STK10: variants seen among roughly 807,000 people sequenced by gnomAD.
STK10 encodes serine/threonine kinase 10.
Under a neutral mutation model 113.8 loss-of-function variants are expected in STK10, and 78 were observed. That is an observed-to-expected ratio of 0.69 (90% CI 0.57 to 0.83). STK10 has a LOEUF of 0.83. Among genes scored for constraint, STK10 ranks in the 40% least tolerant of loss-of-function variants. The probability of loss-of-function intolerance (pLI) is 0.00; values close to 1 mark genes in which losing one functional copy is unlikely to be tolerated. For synonymous variants in STK10, 465 were observed against 494.7 expected (o/e 0.94, Z 0.80); for missense variants, 1,109 against 1,280.1 (o/e 0.87, Z 2.04).
rs138240413 is a variant in STK10, at chr5:172,047,883, G to T, written c.2767-2861C>A. ...TCACTGTACAAATAACCACACTGAG[G>T]TCCCATGTTTTTTGGGTTTTTTTTT... On this transcript the variant is annotated intron_variant, in intron 18 of 18. Transcript: ENST00000176763. Among the ~76,000 whole-genome samples the T allele has an allele frequency of 3.5e-3, 525 of 149,994 alleles. 5 individuals carry two copies. The highest frequency in any genetic ancestry group is 0.021 in the Middle Eastern group (6 of 284).
At chr5:172,142,402 C>A (rs1769992439) in intron 2 of STK10, among the ~76,000 whole-genome samples, 1 of 152,132 alleles carries the variant, frequency 6.6e-6, no homozygotes. Context: ...GTAATGCGCA[C>A]AAAGAGAACC....
intron 1 of STK10, among the ~76,000 whole-genome samples, chr5:172,167,177 AAAAG>A (rs1770587619): frequency 6.6e-6 from 1 of 151,952 alleles, no homozygotes; most frequent in Non-Finnish European, 1.5e-5. Flanking sequence ...AAAAAGAAAA[AAAAG>A]AAAGGCAACA....
In STK10 at chr5:172,084,108, AAAT is replaced by A. The variant is rs564332382; in HGVS notation, c.1686-1027_1686-1025del. ...TTAATTACATAAGGAAACATATTAA[AAAT>A]AATAATTCAGCTGGGCACAGTGGCT... On this transcript the variant is annotated intron_variant, in intron 10 of 18. Coordinates refer to ENST00000176763, the MANE Select transcript of STK10 (RefSeq NM_005990.4). 8.0e-3 allele frequency among the ~76,000 whole-genome samples: 1,214 copies of A among 152,168 alleles called. 12 individuals are homozygous for A. The highest frequency in any genetic ancestry group is 0.035 in the South Asian group (170 of 4,816).
intron 1 of STK10, among the ~76,000 whole-genome samples, chr5:172,170,336 C>T (rs1206044888): frequency 6.6e-6 from 1 of 152,118 alleles, no homozygotes. Context: ...CTTTACCTTG[C>T]AGGAGCCAAA....
intron 3 of STK10, among the ~76,000 whole-genome samples, chr5:172,122,707 T>TCTA: frequency 6.6e-6 from 1 of 152,150 alleles, no homozygotes; most frequent in Non-Finnish European, 1.5e-5. Context: ...CACTGCAAGC[T>TCTA]CCGCCTCCCA....
chr5:172,149,000 C>G (rs1770149151), intron 2 of STK10, among the ~76,000 whole-genome samples: 1 of 152,108 alleles, frequency 6.6e-6, no homozygotes, highest in African/African-American at 2.4e-5. Flanking sequence ...AGCCCTGTCT[C>G]TACAAAAAAT....
Position 172,093,077 on chromosome 5 carries a change from T to A in STK10, c.1554+335A>T, listed in dbSNP as rs1237524789. Among the ~76,000 whole-genome samples the A allele has an allele frequency of 6.6e-6, 1 of 152,192 alleles. No homozygotes were observed. The highest frequency in any genetic ancestry group is 1.5e-5 in the Non-Finnish European group (1 of 68,028). On this transcript the variant is annotated intron_variant, in intron 9 of 18. Coordinates refer to ENST00000176763, the MANE Select transcript of STK10 (RefSeq NM_005990.4). The surrounding 1 kb of genome is among the most constrained non-coding windows in gnomAD (Gnocchi z 4.1). ...GGAAGATGGCTTTGAGCTGTTTCCT[T>A]TAGTTGGATTTACCAGTTATCAGCT...
At chr5:172,114,473 ATTTTTTTTTTTT>A (rs546584414) in intron 4 of STK10, 3 of 47,546 alleles carry the variant, frequency 6.3e-5, no homozygotes, top group African/African-American at 4.2e-4. Context: ...ATATATATAT[ATTTTTTTTTTTT>A]TTTTTTTTTT....
intron 1 of STK10, among the ~76,000 whole-genome samples, chr5:172,185,462 T>C (rs138169920): frequency 5.7e-4 from 87 of 151,928 alleles, no homozygotes; most frequent in Non-Finnish European, 1.0e-3. Flanking sequence ...AGAGACAGGG[T>C]TTCACCATGT....
intron 12 of STK10, among the ~76,000 whole-genome samples, chr5:172,079,234 ACATGG>A (rs1768377561): frequency 6.6e-6 from 1 of 152,154 alleles, no homozygotes; most frequent in Non-Finnish European, 1.5e-5. Context: ...AGCTCCTGCT[ACATGG>A]ATGGTTTTCC....
rs1408919260 is a variant in STK10, at chr5:172,182,341, C to CA, written c.156+5545dup. On this transcript the variant is annotated intron_variant, in intron 1 of 18. Coordinates refer to ENST00000176763, the MANE Select transcript of STK10 (RefSeq NM_005990.4). ...AAAAAAAAAAAAGGCTTAAAAACAA[C>CA]AAAAAATCAAAACCAAAGCAATTTT... is the stretch of plus-strand genomic sequence containing the variant. Among the ~76,000 whole-genome samples the CA allele has an allele frequency of 8.5e-5, 12 of 140,786 alleles. No homozygotes were observed. The South Asian group carries it at 9.5e-4, about 11-fold the overall frequency. The allele number at this position is 140,786 out of a possible 152,430, so 92.4% of individuals were successfully genotyped here.
chr5:172,106,673 G>A lies in STK10; in HGVS notation c.735C>T (p.Val245=), dbSNP rs146417178. Residue 245 remains valine, a synonymous_variant, in exon 6 of 19, where the codon GTC becomes GTT. Coordinates refer to ENST00000176763, the MANE Select transcript of STK10 (RefSeq NM_005990.4). The part of the protein sequence containing the change: ...PPHHELNPMR[V]LLKIAKSDPP... ...GGTCCGACTTGGCGATCTTTAGCAG[G>A]ACCCGCATGGGGTTGAGCTCGTGGT... The A allele has an allele frequency of 5.0e-6, 8 of 1,613,722 alleles. No individual in the cohort carries two copies. Among genetic ancestry groups the A allele is most frequent in the Admixed American group, 3.3e-5 (2 of 59,990 alleles).
intron 17 of STK10, among the ~76,000 whole-genome samples, chr5:172,054,005 T>C (rs1767690767): frequency 6.6e-6 from 1 of 152,238 alleles, no homozygotes; most frequent in African/African-American, 2.4e-5. Context: ...ACACCTGGAA[T>C]GTTTCCTCCA....
At position 172,138,936 on chromosome 5, in the gene STK10, C is replaced by A. The variant is rs1407691645; in HGVS notation, c.322-11515G>T. ...GGCTGAGGCAGGAGAATGGTGTGAA[C>A]CCAGGAGGCGGAGCTTGCAGTGAGC... On this transcript the variant is annotated intron_variant, in intron 2 of 18. Transcript: ENST00000176763. Among the ~76,000 whole-genome samples, 37 of 152,154 alleles carry A rather than the reference C, an allele frequency of 2.4e-4. 1 individual carries two copies. The highest frequency in any genetic ancestry group is 2.4e-3 in the Admixed American group (37 of 15,276).
chr5:172,093,526 A>G lies in STK10; in HGVS notation c.1440T>C (p.Pro480=), dbSNP rs1768769047. ...LEPPAQAAPG[P]SKRDSDCSSL... ...TGCTGCAGTCCGAGTCCCTCTTGGA[A>G]GGCCCTGGAGCTGCCTGGGCAGGTG... The change falls in exon 9 of 19, where the codon CCT becomes CCC. Residue 480 remains proline (P), a synonymous_variant. Coordinates refer to ENST00000176763, the MANE Select transcript of STK10 (RefSeq NM_005990.4). This position sits in a 1 kb window ranked among gnomAD's most constrained non-coding sequence, Gnocchi z 4.1. 4 of 1,614,200 alleles carry G rather than the reference A, an allele frequency of 2.5e-6. No homozygotes were observed. Among genetic ancestry groups the G allele is most frequent in the Non-Finnish European group, 3.4e-6 (4 of 1,180,030 alleles).
At chr5:172,156,306 C>T (rs1320465257) in intron 2 of STK10, among the ~76,000 whole-genome samples, 4 of 152,222 alleles carry the variant, frequency 2.6e-5, no homozygotes, top group African/African-American at 9.6e-5. Flanking sequence ...TTATTAGCCC[C>T]ACCTTACAGA....
At chr5:172,185,255 G>A (rs1019636513) in intron 1 of STK10, among the ~76,000 whole-genome samples, 1 of 151,830 alleles carries the variant, frequency 6.6e-6, no homozygotes, top group African/African-American at 2.4e-5. Flanking sequence ...AAAAAAAAAA[G>A]CCCATATGTT....
intron 1 of STK10, among the ~76,000 whole-genome samples, chr5:172,171,394 G>A (rs1177167562): frequency 1.3e-5 from 2 of 152,112 alleles, no homozygotes; most frequent in African/African-American, 4.8e-5. Flanking sequence ...CATTTAATGA[G>A]TTATACGTGA....
intron 1 of STK10, among the ~76,000 whole-genome samples, chr5:172,183,570 T>TC (rs141971076): frequency 0.094 from 14,292 of 151,732 alleles, 959 homozygotes; most frequent in African/African-American, 0.19. Context: ...TGCCTCGGCC[T>TC]CCTAGTAGCT....
Sources: allele counts gnomAD v4.1 joint callset (sites outside exome capture counted in the v4.1 genomes callset), GRCh38; gene constraint gnomAD v4.1.1; non-coding constraint Gnocchi (gnomAD v3.1); transcripts MANE v1.5; gene names NCBI Gene and HGNC (gene_info 2026-07-23, HGNC 2026-07-21).